The following CFAP61 variants were observed in gnomAD, a reference collection of about 807,000 sequenced individuals.
The protein encoded by CFAP61 is cilia and flagella associated protein 61.
In CFAP61, 107 loss-of-function variants were observed where a neutral mutation model predicts 135.6. That is an observed-to-expected ratio of 0.79 (90% CI 0.67 to 0.93). The LOEUF is 0.93. CFAP61 is among the 40% of genes least tolerant of loss of function. The pLI, the probability that CFAP61 is intolerant of heterozygous loss-of-function variation, is 0.00. For synonymous variants in CFAP61, 575 were observed against 578.5 expected (o/e 0.99, Z 0.09); for missense variants, 1,507 against 1,556.2 (o/e 0.97, Z 0.53).
At chr20:20,075,710 T>G in intron 6 of CFAP61, 95 bp downstream of exon 6, 2 of 1,418,782 alleles carry the variant, frequency 1.4e-6, no homozygotes, top group Non-Finnish European at 1.9e-6. Context: ...TGACTATAGC[T>G]TAGATCAAAA....
At chr20:20,316,716 C>T (rs2057157759) in intron 25 of CFAP61, 1 of 151,418 alleles carries the variant, frequency 6.6e-6, no homozygotes, top group African/African-American at 2.4e-5. Context: ...TACGTCCCAT[C>T]AATACCTAAT....
chr20:20,056,503 A>G (rs2044345232), intron 1 of CFAP61, 115 bp from the exon 2 acceptor site: 1 of 707,292 alleles, frequency 1.4e-6, no homozygotes, highest in African/African-American at 1.8e-5. Flanking sequence ...ACCCAGGGGA[A>G]AACGTGTCAC....
At chr20:20,114,488 C>T (rs1171021445) in intron 8 of CFAP61, among the ~76,000 whole-genome samples, 2 of 152,174 alleles carry the variant, frequency 1.3e-5, no homozygotes, top group South Asian at 2.1e-4. Context: ...AGAGAGGCTT[C>T]GCATATCTGT....
chr20:20,253,957 C>T, intron 20 of CFAP61: 2 of 61,292 alleles, frequency 3.3e-5, no homozygotes, highest in East Asian at 1.7e-3. Context: ...CTCTCTCCTC[C>T]CCTCCCCTCC....
intron 13 of CFAP61, among the ~76,000 whole-genome samples, chr20:20,185,649 T>A (rs1483518825): frequency 1.3e-5 from 2 of 152,196 alleles, no homozygotes; most frequent in Non-Finnish European, 2.9e-5. Flanking sequence ...GGGGATGTAG[T>A]GTACTTTAGC....
rs750308466 is a variant in CFAP61 at position 20,246,227 on chromosome 20, AT to A, written c.2159+15del. 2 of 1,570,314 alleles carry A rather than the reference AT, an allele frequency of 1.3e-6. No homozygotes were observed. Among genetic ancestry groups the A allele is most frequent in the Non-Finnish European group, 8.8e-7 (1 of 1,140,362 alleles). On this transcript the variant is annotated intron_variant, in intron 19 of 26. Transcript: ENST00000245957. ...TTTTTAGCCAGCGAGTATGAATTGT[AT>A]TTGCTTTTTCATTCTGAGGCCTAAA...
intron 26 of CFAP61, among the ~76,000 whole-genome samples, chr20:20,356,162 AGTGGTCACACTGAGGGGGG>A (rs2059147111): frequency 3.3e-5 from 2 of 59,892 alleles, no homozygotes; most frequent in African/African-American, 1.4e-4. Context: ...ACTGAGGGGA[AGTGGTCACACTGAGGGGGG>A]GTGGTCACAC....
chr20:20,085,118 C>G, intron 6 of CFAP61: 2 of 985,478 alleles, frequency 2.0e-6, no homozygotes, highest in Non-Finnish European at 2.4e-6. Context: ...TCTATAAACT[C>G]CGCATCTTCA....
intron 6 of CFAP61, among the ~76,000 whole-genome samples, chr20:20,084,111 T>C (rs11904955): frequency 0.047 from 7,122 of 152,250 alleles, 552 homozygotes; most frequent in African/African-American, 0.16. Flanking sequence ...CATGTTGAGA[T>C]GGTGTTCATG....
At chr20:20,210,078 C>G (rs903291782) in intron 17 of CFAP61, among the ~76,000 whole-genome samples, 2 of 152,186 alleles carry the variant, frequency 1.3e-5, no homozygotes, top group Non-Finnish European at 2.9e-5. Context: ...ATTGCTGCCT[C>G]ATTTCCTTCC....
intron 26 of CFAP61, among the ~76,000 whole-genome samples, chr20:20,346,974 G>A (rs935822935): frequency 1.3e-5 from 2 of 152,170 alleles, no homozygotes; most frequent in Non-Finnish European, 2.9e-5. Context: ...AGTGCACACG[G>A]AACATTCTCC....
At chr20:20,196,281 A>G (rs920226585) in intron 15 of CFAP61, among the ~76,000 whole-genome samples, 37 of 152,148 alleles carry the variant, frequency 2.4e-4, no homozygotes, top group Non-Finnish European at 4.4e-5. Flanking sequence ...CGCTTGGCCA[A>G]TGGCACAGAC....
chr20:20,152,239 C>T (rs926127858), intron 9 of CFAP61, among the ~76,000 whole-genome samples: 4 of 151,630 alleles, frequency 2.6e-5, no homozygotes, highest in African/African-American at 9.7e-5. Flanking sequence ...AACAAAACTT[C>T]AAAATACATG....
intron 22 of CFAP61, among the ~76,000 whole-genome samples, chr20:20,284,869 T>C (rs2054465120): frequency 6.6e-6 from 1 of 152,230 alleles, no homozygotes; most frequent in Admixed American, 6.5e-5. Flanking sequence ...AATAGTCTTT[T>C]ATAGATACTC....
chr20:20,084,988 A>T, intron 6 of CFAP61: 1 of 373,934 alleles, frequency 2.7e-6, no homozygotes, highest in Non-Finnish European at 3.7e-6. Flanking sequence ...AATATTGTAT[A>T]ATTGATGACG....
At chr20:20,180,457 C>T (rs1222920332) in intron 13 of CFAP61, among the ~76,000 whole-genome samples, 1 of 152,004 alleles carries the variant, frequency 6.6e-6, no homozygotes, top group East Asian at 1.9e-4. Context: ...CAGATCAAAA[C>T]CACCAAGAGA....
chr20:20,320,330 A>G (rs2057380900), intron 25 of CFAP61, among the ~76,000 whole-genome samples: 1 of 114,536 alleles, frequency 8.7e-6, no homozygotes. Flanking sequence ...ATAGATATAT[A>G]TATATTATAT....
intron 25 of CFAP61, among the ~76,000 whole-genome samples, chr20:20,302,069 T>C (rs1420840530): frequency 1.3e-5 from 2 of 152,178 alleles, no homozygotes; most frequent in Non-Finnish European, 2.9e-5. Flanking sequence ...TCAATAAAGG[T>C]TTATCATTTT....
At chr20:20,121,409 CTCTATG>C (rs2049617589) in intron 8 of CFAP61, among the ~76,000 whole-genome samples, 1 of 152,000 alleles carries the variant, frequency 6.6e-6, no homozygotes, top group African/African-American at 2.4e-5. Context: ...GTGCTCAACA[CTCTATG>C]TCTTTTAATT....
Sources: allele counts gnomAD v4.1 joint callset (sites outside exome capture counted in the v4.1 genomes callset), GRCh38; gene constraint gnomAD v4.1.1; transcripts MANE v1.5; gene names NCBI Gene and HGNC (gene_info 2026-07-23, HGNC 2026-07-21).